USP24: variants seen among roughly 807,000 people sequenced by gnomAD.
USP24 encodes ubiquitin specific peptidase 24.
In USP24, 97 loss-of-function variants were observed where a neutral mutation model predicts 361.6. The ratio of observed to expected loss-of-function variants is 0.27; its 90% CI spans 0.23 to 0.32. USP24 has a LOEUF of 0.32. Among genes scored for constraint, USP24 ranks in the 10% least tolerant of loss-of-function variants. The pLI, the probability that USP24 is intolerant of heterozygous loss-of-function variation, is 1.00. For synonymous variants in USP24, 1,098 were observed against 1,124.6 expected, an observed-to-expected ratio of 0.98 and a Z score of 0.47; for missense variants, 2,353 against 3,165.6, an observed-to-expected ratio of 0.74 and a Z score of 6.16.
chr1:55,199,850 A>G (rs1185777628), intron 1 of USP24, among the ~76,000 whole-genome samples: 1 of 152,200 alleles, frequency 6.6e-6, no homozygotes, highest in African/African-American at 2.4e-5. Context: ...AATTTGCAAA[A>G]GAAGGAGGTT....
chr1:55,144,043 T>C (rs1646963151), intron 21 of USP24, 84 bp downstream of exon 21: 7 of 1,168,150 alleles, frequency 6.0e-6, no homozygotes, highest in Non-Finnish European at 8.2e-6. Flanking sequence ...ATGTTATCTC[T>C]CAATTATAAC....
At chr1:55,174,327 T>C (rs1293433553) in intron 3 of USP24, among the ~76,000 whole-genome samples, 1 of 152,216 alleles carries the variant, frequency 6.6e-6, no homozygotes, top group Non-Finnish European at 1.5e-5. Context: ...CTGAGTTTTC[T>C]GGCAGACAAG....
rs548418496 is a variant in USP24, at chr1:55,090,957, C to T, written c.6554+1066G>A. Among the ~76,000 whole-genome samples, 258 of 152,198 alleles carry T rather than the reference C, an allele frequency of 1.7e-3. 1 individual carries two copies. The highest frequency in any genetic ancestry group is 4.8e-3 in the African/African-American group (201 of 41,522). On this transcript the variant is annotated intron_variant, in intron 54 of 67. Coordinates refer to ENST00000294383, the MANE Select transcript of USP24 (RefSeq NM_015306.3). ...AAAATTTGCCGGGTGTGGTGGCGCA[C>T]GCCCATAGTCCAGCTACTTGGGAGG...
intron 48 of USP24, 112 bp downstream of exon 48, chr1:55,097,486 G>C: frequency 1.4e-6 from 2 of 1,429,108 alleles, no homozygotes; most frequent in Non-Finnish European, 1.9e-6. Flanking sequence ...TCATAATGCT[G>C]AGACAACAGC....
chr1:55,081,395 T>C lies in USP24; in HGVS notation c.7005A>G (p.Arg2335=), dbSNP rs114901529. The change falls in exon 59 of 68, where the codon CGA becomes CGG. Residue 2335 remains arginine, a synonymous_variant. Coordinates refer to ENST00000294383, the MANE Select transcript of USP24 (RefSeq NM_015306.3). ...QIRRWSSAQA[R]EFGNLHNTVA... ...CTGTATTGTGAAGATTCCCAAATTC[T>C]CGTGCTTGTGCTGAACTCCATCGAC... The C allele has an allele frequency of 2.4e-3, 3,851 of 1,613,750 alleles. 3 individuals are homozygous for C. The highest frequency in any genetic ancestry group is 3.0e-3 in the Non-Finnish European group (3,509 of 1,179,710).
In USP24 at chr1:55,077,163, A is replaced by AT; in HGVS notation, c.7380+71dup. Reference sequence around the variant, plus strand: ...TGGAGAAATAATAAAAAGACATATAATTTTTTATTTATAAACACTTGTTGA... The same window carrying AT: ...TGGAGAAATAATAAAAAGACATATAATTTTTTTATTTATAAACACTTGTTGA... On this transcript the variant is annotated intron_variant, in intron 62 of 67. Coordinates refer to ENST00000294383, the MANE Select transcript of USP24 (RefSeq NM_015306.3). The AT allele has an allele frequency of 2.3e-6, 3 of 1,283,964 alleles. No homozygotes were observed. The South Asian group carries it at 5.7e-5, about 24-fold the overall frequency. The allele number at this position is 1,283,964 out of a possible 1,614,324, so 79.5% of individuals were successfully genotyped here.
chr1:55,112,472 T>G (rs1403892736), intron 38 of USP24, among the ~76,000 whole-genome samples: 1 of 152,250 alleles, frequency 6.6e-6, no homozygotes, highest in Non-Finnish European at 1.5e-5. Flanking sequence ...TGGTACGTTG[T>G]GTCTTTGTTC....
At chr1:55,210,333 C>G (rs528433918) in intron 1 of USP24, among the ~76,000 whole-genome samples, 1 of 152,232 alleles carries the variant, frequency 6.6e-6, no homozygotes, top group Admixed American at 6.5e-5. Flanking sequence ...CTACTTTCAA[C>G]TGATTTGGGA....
rs1646668756 is a variant in USP24 at position 55,134,135 on chromosome 1, G to A, written c.3316C>T (p.Leu1106Phe). ...RITLRVRKLL[L>F]LIPTDPAIQE... Reference sequence around the variant, plus strand: ...ATGGCTGGATCAGTGGGTATCAAGAGCAGAAGCTTCCGTACTCGTAGAGTT... The same window carrying A: ...ATGGCTGGATCAGTGGGTATCAAGAACAGAAGCTTCCGTACTCGTAGAGTT... The change falls in exon 30 of 68, where the codon CTC becomes TTC. Residue 1106 changes from leucine to phenylalanine, a missense_variant. This residue lies in a region of USP24 where 949 missense variants were observed against 1,280.5 expected (regional missense o/e 0.74). Transcript: ENST00000294383. The A allele has an allele frequency of 3.1e-6, 5 of 1,613,652 alleles. No individual in the cohort carries two copies. The highest frequency in any genetic ancestry group is 1.3e-5 in the African/African-American group (1 of 74,924).
intron 38 of USP24, among the ~76,000 whole-genome samples, chr1:55,119,375 TAG>T (rs1163268079): frequency 6.6e-6 from 1 of 152,042 alleles, no homozygotes; most frequent in East Asian, 1.9e-4. Context: ...GTCAAATCCT[TAG>T]AGACAGAAAG....
chr1:55,119,812 A>T (rs892848221), intron 38 of USP24, among the ~76,000 whole-genome samples: 5 of 152,060 alleles, frequency 3.3e-5, no homozygotes, highest in African/African-American at 1.2e-4. Context: ...CTATATAGAA[A>T]ATTTTAATTT....
intron 17 of USP24, 151 bp downstream of exon 17, chr1:55,148,312 G>T: frequency 6.0e-6 from 3 of 495,872 alleles, no homozygotes; most frequent in Non-Finnish European, 1.0e-5. Flanking sequence ...AAAGCAGAAT[G>T]ATGCTTAAAC....
In USP24 at chr1:55,134,798, T is replaced by G. The variant is rs113990961; in HGVS notation, c.3202-385A>C. Among the ~76,000 whole-genome samples the G allele has an allele frequency of 7.2e-3, 1,097 of 152,332 alleles. 11 individuals are homozygous for G. Among genetic ancestry groups the G allele is most frequent in the African/African-American group, 0.024 (1,015 of 41,570 alleles). ...GGGAGTGATGTGAAAACAAAAGTAG[T>G]GTGTTTATGTATCGACATTCACACA... On this transcript the variant is annotated intron_variant, in intron 28 of 67. Coordinates refer to ENST00000294383, the MANE Select transcript of USP24 (RefSeq NM_015306.3).
intron 23 of USP24, among the ~76,000 whole-genome samples, 161 bp from the exon 24 acceptor site, chr1:55,141,892 A>G (rs941323149): frequency 1.3e-5 from 2 of 152,164 alleles, no homozygotes; most frequent in Non-Finnish European, 2.9e-5. Flanking sequence ...GACCAGTAGG[A>G]TGCTTCTAGT....
intron 24 of USP24, among the ~76,000 whole-genome samples, chr1:55,139,551 A>T (rs546024488): frequency 6.6e-6 from 1 of 152,336 alleles, no homozygotes; most frequent in African/African-American, 2.4e-5. Flanking sequence ...AAATAATCAG[A>T]CTGCAATATT....
At chr1:55,069,148 GA>G (rs1158856647) in intron 67 of USP24, 41 bp from the exon 68 acceptor site, 15 of 1,607,900 alleles carry the variant, frequency 9.3e-6, no homozygotes, top group African/African-American at 4.0e-5. Context: ...TACGGTTAGA[GA>G]AAAGGTTTTC....
chr1:55,089,492 A>G, intron 55 of USP24, 135 bp downstream of exon 55: 1 of 639,560 alleles, frequency 1.6e-6, no homozygotes, highest in Non-Finnish European at 2.7e-6. Context: ...TCACTGTTTC[A>G]GTGAAGAGAG....
In USP24 at chr1:55,142,777, T is replaced by C; in HGVS notation, c.2599A>G (p.Lys867Glu). The C allele has an allele frequency of 6.4e-7, 1 of 1,552,182 alleles. No individual in the cohort carries two copies. The highest frequency in any genetic ancestry group is 1.2e-5 in the South Asian group (1 of 82,276). The change falls in exon 23 of 68, where the codon AAG (lysine) becomes GAG (glutamate). Residue 867 changes from lysine to glutamate, a missense_variant. By Grantham distance (56) the Lys-to-Glu change is moderately conservative. Transcript: ENST00000294383. ...RLKKDSVSLH[K>E]KFIADCYTRL... ...GTGTAGCAATCAGCAATGAATTTCT[T>C]ATGTAAAGATACTGAATCCTGAAAG...
intron 39 of USP24, among the ~76,000 whole-genome samples, chr1:55,108,016 G>C (rs1288777309): frequency 6.6e-6 from 1 of 152,078 alleles, no homozygotes; most frequent in African/African-American, 2.4e-5. Context: ...TAAGATGAGG[G>C]AGACAAATTC....
Sources: gnomAD v4.1 joint callset for allele counts (sites outside exome capture counted in the v4.1 genomes callset) on GRCh38, gnomAD v4.1.1 for gene constraint, gnomAD v4.1.1 regional missense constraint, MANE v1.5 for transcripts, NCBI Gene and HGNC (gene_info 2026-07-23, HGNC 2026-07-21) for gene names.